SLC45A4: variants seen among roughly 807,000 people sequenced by gnomAD.
SLC45A4 encodes polyamine-transporter SLC45A4.
A neutral mutation model predicts 63.7 loss-of-function variants in SLC45A4; 32 were observed. The ratio of observed to expected loss-of-function variants is 0.50; its 90% CI spans 0.38 to 0.67. The LOEUF (loss-of-function observed/expected upper bound fraction) is 0.67. SLC45A4 is among the 30% of genes least tolerant of loss of function. The pLI is 0.00. For synonymous variants in SLC45A4, 535 were observed against 510.0 expected, an observed-to-expected ratio of 1.05 and a Z score of -0.66; for missense variants, 1,027 against 1,157.7, an observed-to-expected ratio of 0.89 and a Z score of 1.64.
intron 1 of SLC45A4, among the ~76,000 whole-genome samples, chr8:141,284,926 C>A (rs1049832707): frequency 1.3e-5 from 2 of 152,160 alleles, no homozygotes; most frequent in African/African-American, 4.8e-5. Context: ...CTGTCCCAAG[C>A]GTCCACCGTG....
intron 1 of SLC45A4, among the ~76,000 whole-genome samples, chr8:141,297,664 C>G (rs746520043): frequency 6.6e-6 from 1 of 152,226 alleles, no homozygotes; most frequent in Non-Finnish European, 1.5e-5. Context: ...ACTGACAGCC[C>G]GGCCAGTGGC....
rs1828812896 is a variant in SLC45A4 at position 141,256,778 on chromosome 8, C to T, written c.-400-2149G>A. 5.6e-6 allele frequency: 2 copies of T among 360,164 alleles called. No homozygotes were observed. The highest frequency in any genetic ancestry group is 2.1e-5 in the African/African-American group (1 of 46,932). The allele number at this position is 360,164 out of a possible 1,614,324, so 22.3% of individuals were successfully genotyped here. A position where few individuals can be genotyped will look rare whatever the true frequency, so the allele number is the denominator to read the frequency against. On this transcript the variant is annotated intron_variant, in intron 1 of 8. Transcript: ENST00000517878. This position sits in a 1 kb window ranked among gnomAD's most constrained non-coding sequence, Gnocchi z 4.3. ...TTCAAGTTTTCCAAATGTCCTCTACCGTAGAAACATCTCAATTAAAACAAG... is the reference window on the plus strand; with the variant it reads ...TTCAAGTTTTCCAAATGTCCTCTACTGTAGAAACATCTCAATTAAAACAAG...
intron 1 of SLC45A4, among the ~76,000 whole-genome samples, chr8:141,282,800 C>T (rs1488301939): frequency 2.0e-5 from 3 of 152,392 alleles, no homozygotes; most frequent in Non-Finnish European, 2.9e-5. Context: ...GCTGCAAGTC[C>T]GTGGGCCTGA....
At chr8:141,258,290 C>T (rs540656804) in intron 1 of SLC45A4, among the ~76,000 whole-genome samples, 37 of 152,272 alleles carry the variant, frequency 2.4e-4, no homozygotes, top group Middle Eastern at 3.4e-3. Flanking sequence ...CACTCTGCTC[C>T]GTGCCACCTA....
chr8:141,294,655 G>A (rs933956830), intron 1 of SLC45A4, among the ~76,000 whole-genome samples: 1 of 152,262 alleles, frequency 6.6e-6, no homozygotes, highest in African/African-American at 2.4e-5. Flanking sequence ...CCCACGTCCC[G>A]GGGAACCCAT....
chr8:141,302,004 G>T lies in SLC45A4; in HGVS notation c.-401+6092C>A, dbSNP rs139405664. 3.3e-3 allele frequency among the ~76,000 whole-genome samples: 506 copies of T among 151,958 alleles called. 3 individuals are homozygous for T. The highest frequency in any genetic ancestry group is 0.012 in the African/African-American group (483 of 41,450). ...ATGAGGGATGAAAAGACTTTCAAAT[G>T]GAGCAAACATACAAGTTCACAAAGA... is the stretch of plus-strand genomic sequence containing the variant. On this transcript the variant is annotated intron_variant, in intron 1 of 8. Transcript: ENST00000517878.
chr8:141,298,602 G>A (rs533251934), intron 1 of SLC45A4, among the ~76,000 whole-genome samples: 5 of 152,294 alleles, frequency 3.3e-5, no homozygotes, highest in East Asian at 3.9e-4. Flanking sequence ...AAATTGGAGC[G>A]GCAGCACCTC....
rs372161630 is a variant in SLC45A4, at chr8:141,218,170, G to A, written c.1470C>T (p.Gly490=). 2.5e-5 allele frequency: 40 copies of A among 1,606,812 alleles called. No individual in the cohort carries two copies. The highest frequency in any genetic ancestry group is 1.8e-4 in the Admixed American group (11 of 59,990). Residue 490 remains glycine, a synonymous_variant, in exon 5 of 9, where the codon GGC becomes GGT. Transcript: ENST00000517878. ...SGDTESEEGE[G]ETTVRLLWLS... Reference sequence around the variant, plus strand: ...GCCACAGCAGGCGCACCGTGGTCTCGCCCTCCCCCTCCTCACTCTCGGTGT... The same window carrying A: ...GCCACAGCAGGCGCACCGTGGTCTCACCCTCCCCCTCCTCACTCTCGGTGT...
chr8:141,214,916 A>C (rs757533331), intron 7 of SLC45A4, among the ~76,000 whole-genome samples: 2 of 152,182 alleles, frequency 1.3e-5, no homozygotes, highest in Non-Finnish European at 2.9e-5. Flanking sequence ...ACACTACTCC[A>C]AGGAGACTGT....
At chr8:141,212,141 C>CCCCCCCGGGGGGGGGG in intron 8 of SLC45A4, 56 bp downstream of exon 8, 2 of 1,109,166 alleles carry the variant, frequency 1.8e-6, no homozygotes, top group Non-Finnish European at 2.2e-6. Context: ...CCCCGCCGCC[C>CCCCCCCGGGGGGGGGG]GCCCGCCCGC....
chr8:141,263,115 C>CA (rs1829104377), intron 1 of SLC45A4, among the ~76,000 whole-genome samples: 1 of 147,028 alleles, frequency 6.8e-6, no homozygotes, highest in Admixed American at 7.1e-5. Flanking sequence ...ATCGCAAGGA[C>CA]AAAAAACCAA....
intron 1 of SLC45A4, among the ~76,000 whole-genome samples, chr8:141,257,484 T>C (rs1399653085): frequency 6.6e-6 from 1 of 152,222 alleles, no homozygotes; most frequent in Non-Finnish European, 1.5e-5. Context: ...GACTTAATTA[T>C]AAACATCAGA....
chr8:141,256,832 A>AT lies in SLC45A4; in HGVS notation c.-400-2204dup. ...TTCCAAACTGTCACCTTACTGCAAT[A>AT]TTTTTTCAAAAAACTGTGTAATGAA... On this transcript the variant is annotated intron_variant, in intron 1 of 8. Transcript: ENST00000517878. This position sits in a 1 kb window ranked among gnomAD's most constrained non-coding sequence, Gnocchi z 4.3. The AT allele has an allele frequency of 3.1e-6, 1 of 321,814 alleles. No individual in the cohort carries two copies. Among genetic ancestry groups the AT allele is most frequent in the Non-Finnish European group, 6.2e-6 (1 of 160,308 alleles). 19.9% of individuals were successfully genotyped at this position (321,814 alleles called of 1,614,324 possible).
intron 1 of SLC45A4, among the ~76,000 whole-genome samples, chr8:141,284,945 A>G (rs183194088): frequency 1.8e-3 from 272 of 152,188 alleles, no homozygotes; most frequent in African/African-American, 6.5e-3. Flanking sequence ...TGGCATGCAG[A>G]GCCGCCCCAC....
At chr8:141,248,444 C>A (rs1828317023) in intron 2 of SLC45A4, among the ~76,000 whole-genome samples, 1 of 151,994 alleles carries the variant, frequency 6.6e-6, no homozygotes, top group African/African-American at 2.4e-5. Flanking sequence ...TGGTGCGTAC[C>A]TACAGTCCAA....
chr8:141,301,508 T>C (rs1468620924), intron 1 of SLC45A4, among the ~76,000 whole-genome samples: 1 of 151,866 alleles, frequency 6.6e-6, no homozygotes, highest in African/African-American at 2.4e-5. Context: ...TCTGGGAGCC[T>C]GAGGCAGGAG....
intron 1 of SLC45A4, among the ~76,000 whole-genome samples, chr8:141,300,319 C>G (rs570376540): frequency 6.6e-6 from 1 of 152,356 alleles, no homozygotes; most frequent in East Asian, 1.9e-4. Flanking sequence ...CTACTGCTCT[C>G]AGTCCTCAGC....
At chr8:141,253,564 A>G (rs1000582773) in intron 2 of SLC45A4, among the ~76,000 whole-genome samples, 2 of 152,198 alleles carry the variant, frequency 1.3e-5, no homozygotes, top group African/African-American at 4.8e-5. Flanking sequence ...TTTACACACA[A>G]AGAATCAGAG....
At chr8:141,271,015 A>G (rs2154614928) in intron 1 of SLC45A4, among the ~76,000 whole-genome samples, 1 of 152,358 alleles carries the variant, frequency 6.6e-6, no homozygotes, top group East Asian at 1.9e-4. Context: ...GCTAACGCCA[A>G]GCCAGAGTAA....
Sources: allele counts gnomAD v4.1 joint callset (sites outside exome capture counted in the v4.1 genomes callset), GRCh38; gene constraint gnomAD v4.1.1; non-coding constraint Gnocchi (gnomAD v3.1); transcripts MANE v1.5; gene names NCBI Gene and HGNC (gene_info 2026-07-23, HGNC 2026-07-21).